The following NPAS3 variants were observed in gnomAD, a reference collection of about 807,000 sequenced individuals.
NPAS3 encodes the protein neuronal PAS domain-containing protein 3.
Under a neutral mutation model 73.1 loss-of-function variants are expected in NPAS3, and 14 were observed. That is an observed-to-expected ratio of 0.19 (90% CI 0.13 to 0.30). NPAS3 has a LOEUF of 0.30. NPAS3 is among the 10% of genes least tolerant of loss of function. NPAS3 has a pLI of 1.00. For synonymous variants in NPAS3, 620 were observed against 541.5 expected, an observed-to-expected ratio of 1.14 and a Z score of -2.01; for missense variants, 1,096 against 1,250.0, an observed-to-expected ratio of 0.88 and a Z score of 1.86.
At chr14:33,287,434 A>G (rs185170634) in intron 3 of NPAS3, among the ~76,000 whole-genome samples, 27 of 152,168 alleles carry the variant, frequency 1.8e-4, no homozygotes, top group African/African-American at 6.5e-4. Context: ...TGAGCAACTG[A>G]GCAGGAAGCG....
intron 1 of NPAS3, among the ~76,000 whole-genome samples, chr14:32,990,847 A>G (rs1045675353): frequency 2.0e-5 from 3 of 151,086 alleles, no homozygotes; most frequent in Non-Finnish European, 4.4e-5. Context: ...GGATCACTTG[A>G]TCCCAGGAGG....
intron 7 of NPAS3, among the ~76,000 whole-genome samples, chr14:33,737,162 G>T (rs2061543258): frequency 6.6e-6 from 1 of 152,220 alleles, no homozygotes; most frequent in African/African-American, 2.4e-5. Context: ...ATACTGCTAT[G>T]CAGATAGCAA....
Position 32,945,225 on chromosome 14 carries a change from T to TATTGTAAAA in NPAS3, c.50+5859_50+5860insATTGTAAAA, listed in dbSNP as rs769461912. Among the ~76,000 whole-genome samples, 213 of 152,250 alleles carry TATTGTAAAA rather than the reference T, an allele frequency of 1.4e-3. 1 individual carries two copies. The highest frequency in any genetic ancestry group is 3.9e-3 in the South Asian group (19 of 4,828). ...TTATTCAACTTGTAAAATATTGTAA[T>TATTGTAAAA]TAGTGACTACAAAGTGATTAGAGGC... is the stretch of plus-strand genomic sequence containing the variant. On this transcript the variant is annotated intron_variant, in intron 1 of 11. Transcript: ENST00000356141.
At chr14:33,361,174 G>T (rs1011626509) in intron 3 of NPAS3, among the ~76,000 whole-genome samples, 6 of 152,204 alleles carry the variant, frequency 3.9e-5, no homozygotes, top group Non-Finnish European at 7.3e-5. Context: ...GAAAAGAAAG[G>T]TGGGTAGGCG....
intron 2 of NPAS3, among the ~76,000 whole-genome samples, chr14:33,160,768 G>A (rs2044845848): frequency 6.6e-6 from 1 of 151,234 alleles, no homozygotes; most frequent in Non-Finnish European, 1.5e-5. Context: ...AGAACTGCAG[G>A]AACTTGGGTG....
chr14:33,724,749 CA>C (rs56302116), intron 6 of NPAS3, among the ~76,000 whole-genome samples: 137 of 134,448 alleles, frequency 1.0e-3, no homozygotes, highest in Admixed American at 1.8e-3. Context: ...TGTTTTCTCT[CA>C]AAAAAAAAAA....
intron 2 of NPAS3, among the ~76,000 whole-genome samples, chr14:33,199,349 T>A (rs8012935): frequency 0.21 from 32,169 of 152,172 alleles, 3,854 homozygotes; most frequent in South Asian, 0.38. Flanking sequence ...CACACAGATC[T>A]GGCAAATGTG....
At chr14:33,698,108 A>T (rs1407707809) in intron 6 of NPAS3, among the ~76,000 whole-genome samples, 1 of 152,030 alleles carries the variant, frequency 6.6e-6, no homozygotes, top group African/African-American at 2.4e-5. Flanking sequence ...TCACATGCAG[A>T]CCTGCCCTCA....
chr14:33,084,823 G>A (rs968078734), intron 2 of NPAS3, among the ~76,000 whole-genome samples: 2 of 152,204 alleles, frequency 1.3e-5, no homozygotes, highest in African/African-American at 4.8e-5. Context: ...ATATGGGATA[G>A]CATCTAGTAA....
chr14:33,511,814 T>C (rs2053069224), intron 4 of NPAS3, among the ~76,000 whole-genome samples: 1 of 152,102 alleles, frequency 6.6e-6, no homozygotes, highest in Admixed American at 6.6e-5. Context: ...ACATTTACTA[T>C]GATAGCAGGT....
intron 3 of NPAS3, among the ~76,000 whole-genome samples, chr14:33,266,022 T>A (rs1294340086): frequency 6.6e-6 from 1 of 151,588 alleles, no homozygotes; most frequent in Non-Finnish European, 1.5e-5. Context: ...TATAAATACA[T>A]ATACACACAC....
chr14:33,311,707 A>T (rs2043009890), intron 3 of NPAS3, among the ~76,000 whole-genome samples: 1 of 152,192 alleles, frequency 6.6e-6, no homozygotes, highest in Admixed American at 6.6e-5. Context: ...ACATAATAAA[A>T]GTAAATAAAT....
intron 7 of NPAS3, among the ~76,000 whole-genome samples, chr14:33,749,483 G>T (rs1365191646): frequency 1.3e-5 from 2 of 152,202 alleles, no homozygotes; most frequent in South Asian, 2.1e-4. Context: ...TATTATAATT[G>T]TCAAACTCCT....
intron 6 of NPAS3, among the ~76,000 whole-genome samples, chr14:33,684,679 T>G (rs2140377279): frequency 6.6e-6 from 1 of 152,304 alleles, no homozygotes; most frequent in African/African-American, 2.4e-5. Flanking sequence ...TAGGCACAGT[T>G]CAACCCTAAG....
intron 5 of NPAS3, among the ~76,000 whole-genome samples, chr14:33,568,204 A>G (rs1427703006): frequency 2.0e-5 from 3 of 152,216 alleles, no homozygotes; most frequent in African/African-American, 7.2e-5. Flanking sequence ...GAAGTAGAGC[A>G]CTGAGCAAAA....
At chr14:33,118,474 T>C (rs1337001239) in intron 2 of NPAS3, among the ~76,000 whole-genome samples, 2 of 152,150 alleles carry the variant, frequency 1.3e-5, no homozygotes, top group African/African-American at 4.8e-5. Context: ...TCTTTCATGG[T>C]AATCTTCAAA....
At chr14:32,979,289 A>G (rs1225360680) in intron 1 of NPAS3, among the ~76,000 whole-genome samples, 2 of 152,186 alleles carry the variant, frequency 1.3e-5, no homozygotes, top group African/African-American at 4.8e-5. Flanking sequence ...GTCTTATTAT[A>G]TAAAATAGGG....
intron 5 of NPAS3, among the ~76,000 whole-genome samples, chr14:33,647,869 A>G (rs530543730): frequency 3.2e-4 from 48 of 152,320 alleles, no homozygotes; most frequent in African/African-American, 1.1e-3. Context: ...ATGTAAACCT[A>G]TAGATACATA....
Position 33,386,070 on chromosome 14 carries a change from A to AT in NPAS3, c.468+18816dup, listed in dbSNP as rs5807722. Reference sequence around the variant, plus strand: ...CACTTGAACACATCTGTAATTGAGAATTTTTTTTTTTTTTGACCAATGTAG... The same window carrying AT: ...CACTTGAACACATCTGTAATTGAGAATTTTTTTTTTTTTTTGACCAATGTAG... On this transcript the variant is annotated intron_variant, in intron 4 of 11. Coordinates refer to ENST00000356141, the Ensembl canonical transcript of NPAS3. Among the ~76,000 whole-genome samples, 1,152 of 148,358 alleles carry AT rather than the reference A, an allele frequency of 7.8e-3. 16 individuals carry two copies. The highest frequency in any genetic ancestry group is 0.028 in the East Asian group (140 of 5,016).
Sources: allele counts gnomAD v4.1 joint callset (sites outside exome capture counted in the v4.1 genomes callset), GRCh38; gene constraint gnomAD v4.1.1; transcripts MANE v1.5; gene names NCBI Gene and HGNC (gene_info 2026-07-23, HGNC 2026-07-21).